TEC: variants seen among roughly 807,000 people sequenced by gnomAD.
TEC encodes the protein tec protein tyrosine kinase.
TEC carries 72 observed loss-of-function variants against 93.0 expected under a neutral mutation model. The ratio of observed to expected loss-of-function variants is 0.77; its 90% CI spans 0.64 to 0.94. TEC has a LOEUF of 0.94. TEC is among the 40% of genes least tolerant of loss of function. TEC has a pLI of 0.00. For missense variants in TEC, 630 were observed against 757.9 expected (o/e 0.83, Z 1.98); for synonymous variants, 249 against 247.7 (o/e 1.01, Z -0.05).
chr4:48,226,134 A>AT (rs1266074731), intron 2 of TEC, among the ~76,000 whole-genome samples: 1 of 152,168 alleles, frequency 6.6e-6, no homozygotes, highest in Non-Finnish European at 1.5e-5. Flanking sequence ...TTTAAACTCA[A>AT]TATGTTTATC....
chr4:48,233,619 T>A, intron 1 of TEC, among the ~76,000 whole-genome samples: 1 of 143,598 alleles, frequency 7.0e-6, no homozygotes. Flanking sequence ...ACAAAAGTTG[T>A]ACAGAAAAAA....
intron 9 of TEC, among the ~76,000 whole-genome samples, chr4:48,152,220 G>A (rs1394108701): frequency 6.6e-6 from 1 of 152,080 alleles, no homozygotes; most frequent in Non-Finnish European, 1.5e-5. Context: ...GAGGTCGTGA[G>A]TTTAAGACTA....
intron 1 of TEC, among the ~76,000 whole-genome samples, chr4:48,232,611 T>C (rs370698717): frequency 2.0e-4 from 30 of 152,320 alleles, no homozygotes; most frequent in African/African-American, 7.2e-4. Flanking sequence ...GAGATACAAA[T>C]GAAGGAAAAG....
intron 1 of TEC, among the ~76,000 whole-genome samples, chr4:48,240,978 A>C (rs966373174): frequency 2.7e-4 from 41 of 152,176 alleles, no homozygotes; most frequent in African/African-American, 7.5e-4. Flanking sequence ...TGTTAAAAAC[A>C]CTAATTTGAT....
intron 4 of TEC, 78 bp downstream of exon 4, chr4:48,171,290 A>C: frequency 8.9e-7 from 1 of 1,124,432 alleles, no homozygotes; most frequent in Non-Finnish European, 1.3e-6. Context: ...TAGATACATT[A>C]GCTGTATTTC....
At chr4:48,217,199 G>C (rs1165801356) in intron 2 of TEC, among the ~76,000 whole-genome samples, 1 of 152,104 alleles carries the variant, frequency 6.6e-6, no homozygotes, top group Non-Finnish European at 1.5e-5. Context: ...TGCCTCCCAG[G>C]TTCAAACGAT....
chr4:48,197,077 A>G (rs1238761513), intron 2 of TEC, among the ~76,000 whole-genome samples: 1 of 152,228 alleles, frequency 6.6e-6, no homozygotes, highest in Non-Finnish European at 1.5e-5. Flanking sequence ...TTACAAAGAC[A>G]TATTTTGCCG....
At chr4:48,261,539 G>A (rs1724496754) in intron 1 of TEC, among the ~76,000 whole-genome samples, 1 of 152,166 alleles carries the variant, frequency 6.6e-6, no homozygotes, top group African/African-American at 2.4e-5. Context: ...AGGAGTATGT[G>A]AGGACATTAA....
chr4:48,268,427 A>G (rs1164381221), intron 1 of TEC, among the ~76,000 whole-genome samples: 1 of 152,272 alleles, frequency 6.6e-6, no homozygotes, highest in East Asian at 1.9e-4. Context: ...AGTGTAATAT[A>G]TGGATCAGAT....
At chr4:48,162,422 G>A (rs1720707827) in intron 8 of TEC, among the ~76,000 whole-genome samples, 1 of 152,174 alleles carries the variant, frequency 6.6e-6, no homozygotes, top group Non-Finnish European at 1.5e-5. Flanking sequence ...AGTCATAAAA[G>A]GAGTTCTCAT....
At chr4:48,203,275 G>GA (rs1722592098) in intron 2 of TEC, among the ~76,000 whole-genome samples, 1 of 152,168 alleles carries the variant, frequency 6.6e-6, no homozygotes, top group Non-Finnish European at 1.5e-5. Context: ...TGAGGCATGA[G>GA]AATCGCTTTA....
intron 1 of TEC, among the ~76,000 whole-genome samples, chr4:48,269,386 C>A (rs1318336434): frequency 6.6e-6 from 1 of 152,266 alleles, no homozygotes; most frequent in African/African-American, 2.4e-5. Flanking sequence ...CAGCCCTGCT[C>A]GCCGCTGGGA....
intron 2 of TEC, among the ~76,000 whole-genome samples, chr4:48,176,467 T>C (rs148336906): frequency 1.3e-5 from 2 of 152,100 alleles, no homozygotes; most frequent in African/African-American, 4.8e-5. Context: ...ATCCCTGTAA[T>C]CCCAGCACTT....
At chr4:48,184,770 TACACACACACACAC>T (rs58704241) in intron 2 of TEC, among the ~76,000 whole-genome samples, 10 of 140,942 alleles carry the variant, frequency 7.1e-5, no homozygotes, top group East Asian at 2.1e-4. Context: ...ACAAAAAAAA[TACACACACACACAC>T]ACACACACAC....
chr4:48,210,986 C>T (rs1332957709), intron 2 of TEC, among the ~76,000 whole-genome samples: 1 of 152,150 alleles, frequency 6.6e-6, no homozygotes, highest in Non-Finnish European at 1.5e-5. Flanking sequence ...CCTATCCTAG[C>T]CACTTTATCT....
intron 8 of TEC, among the ~76,000 whole-genome samples, chr4:48,160,943 GC>G (rs1394429693): frequency 6.6e-6 from 1 of 151,510 alleles, no homozygotes; most frequent in Non-Finnish European, 1.5e-5. Context: ...TTTATTAGAG[GC>G]TAATACCTTT....
intron 2 of TEC, among the ~76,000 whole-genome samples, chr4:48,226,377 TCA>T (rs915023500): frequency 6.9e-6 from 1 of 144,228 alleles, no homozygotes; most frequent in African/African-American, 2.6e-5. Context: ...TGAGTGTGCC[TCA>T]CTCTCCTGCT....
intron 1 of TEC, among the ~76,000 whole-genome samples, chr4:48,230,790 C>T (rs890915710): frequency 2.0e-5 from 3 of 152,196 alleles, no homozygotes; most frequent in Non-Finnish European, 4.4e-5. Flanking sequence ...AGATTCCCCT[C>T]ACAGCATTCA....
chr4:48,262,053 A>G (rs1724508686), intron 1 of TEC, among the ~76,000 whole-genome samples: 1 of 152,180 alleles, frequency 6.6e-6, no homozygotes, highest in Non-Finnish European at 1.5e-5. Flanking sequence ...ATATTTCTAA[A>G]TAATACAAGA....
Sources: allele counts gnomAD v4.1 joint callset (sites outside exome capture counted in the v4.1 genomes callset), GRCh38; gene constraint gnomAD v4.1.1; transcripts MANE v1.5; gene names NCBI Gene and HGNC (gene_info 2026-07-23, HGNC 2026-07-21).